SLC37A1: variants seen among roughly 807,000 people sequenced by gnomAD.
The protein encoded by SLC37A1 is glucose-6-phosphate exchanger SLC37A1.
In SLC37A1, 49 loss-of-function variants were observed where a neutral mutation model predicts 75.3. The ratio of observed to expected loss-of-function variants is 0.65; its 90% CI spans 0.52 to 0.83. The LOEUF (loss-of-function observed/expected upper bound fraction) is 0.83, where lower values mean the gene tolerates loss of function less well. SLC37A1 is among the 40% of genes least tolerant of loss of function. The probability of loss-of-function intolerance (pLI) is 0.00; values close to 1 mark genes in which losing one functional copy is unlikely to be tolerated. For synonymous variants in SLC37A1, 268 were observed against 292.1 expected, an observed-to-expected ratio of 0.92 and a Z score of 0.84; for missense variants, 566 against 695.0, an observed-to-expected ratio of 0.81 and a Z score of 2.09.
chr21:42,516,976 A>G (rs2054532375), intron 1 of SLC37A1, among the ~76,000 whole-genome samples: 1 of 152,232 alleles, frequency 6.6e-6, no homozygotes, highest in Non-Finnish European at 1.5e-5. Context: ...AGGTTTGAGC[A>G]GACGTGGTTT....
intron 6 of SLC37A1, among the ~76,000 whole-genome samples, chr21:42,540,372 G>T (rs1257435925): frequency 6.6e-6 from 1 of 152,172 alleles, no homozygotes; most frequent in Non-Finnish European, 1.5e-5. Flanking sequence ...ACCAACTTGG[G>T]TCCAAGCCTA....
At chr21:42,503,966 T>G (rs73227543) in intron 2 of SLC37A1, among the ~76,000 whole-genome samples, 29,505 of 152,122 alleles carry the variant, frequency 0.19, 2,934 homozygotes, top group African/African-American at 0.23. Flanking sequence ...TACTAGAACA[T>G]CTCAGTGCTG....
intron 2 of SLC37A1, among the ~76,000 whole-genome samples, chr21:42,504,789 C>T (rs950518800): frequency 1.3e-5 from 2 of 152,154 alleles, no homozygotes; most frequent in African/African-American, 4.8e-5. Flanking sequence ...TATCATCCAC[C>T]TCAAACTCAA....
At chr21:42,527,870 A>C (rs1025643413) in intron 3 of SLC37A1, among the ~76,000 whole-genome samples, 2 of 152,206 alleles carry the variant, frequency 1.3e-5, no homozygotes, top group African/African-American at 4.8e-5. Flanking sequence ...AGATCAGAAC[A>C]TCACACCACA....
intron 16 of SLC37A1, among the ~76,000 whole-genome samples, chr21:42,568,118 T>A (rs914352498): frequency 1.3e-5 from 2 of 152,268 alleles, no homozygotes; most frequent in Non-Finnish European, 2.9e-5. Context: ...AAACGTTTTT[T>A]ATTTGAAGAG....
rs2054470682 is a variant in SLC37A1 at position 42,513,922 on chromosome 21, C to T, written c.-974C>T. ...CTGCGGAGCGCGGGCCTCGGCGGCG[C>T]AGGTGAGGCGCGGGGCCGGGGCCGG... On this transcript the variant is annotated 5_prime_UTR_variant, in exon 1 of 20. Transcript: ENST00000352133. The T allele has an allele frequency of 6.8e-6, 1 of 146,550 alleles. No individual in the cohort carries two copies. The highest frequency in any genetic ancestry group is 1.5e-5 in the Non-Finnish European group (1 of 65,778). The allele number at this position is 146,550 out of a possible 1,614,324, so 9.1% of individuals were successfully genotyped here. A position where few individuals can be genotyped will look rare whatever the true frequency, so the allele number is the denominator to read the frequency against.
At chr21:42,567,670 C>T (rs1406068859) in intron 16 of SLC37A1, among the ~76,000 whole-genome samples, 4 of 152,180 alleles carry the variant, frequency 2.6e-5, no homozygotes, top group Admixed American at 6.5e-5. Context: ...ATACATATTA[C>T]GTGCATATAC....
upstream of SLC37A1, chr21:42,509,744 A>G (rs1254652236): frequency 5.9e-5 from 9 of 152,208 alleles, no homozygotes; most frequent in Admixed American, 5.2e-4. The surrounding 1 kb of genome is among the most constrained non-coding windows in gnomAD (Gnocchi z 4.2). Context: ...GCACCATACC[A>G]TTAGAATTCT....
intron 18 of SLC37A1, 41 bp downstream of exon 18, chr21:42,574,956 G>A (rs745839983): frequency 6.2e-7 from 1 of 1,611,932 alleles, no homozygotes; most frequent in Non-Finnish European, 8.5e-7. Flanking sequence ...CTTGAATGCA[G>A]ATCTCTGTGG....
Position 42,547,295 on chromosome 21 carries a change from T to G in SLC37A1, c.768+155T>G, listed in dbSNP as rs530114037. ...TGGCAGTTCTAGGAATAGAGAATAT[T>G]CTGTTTTGGGTTTCGCTGATAATAA... On this transcript the variant is annotated intron_variant, in intron 9 of 19. Transcript: ENST00000352133. This position sits in a 1 kb window ranked among gnomAD's most constrained non-coding sequence, Gnocchi z 6.1. 2.2e-3 allele frequency: 1,756 copies of G among 810,642 alleles called. 1 individual carries two copies. The highest frequency in any genetic ancestry group is 3.1e-3 in the Non-Finnish European group (1,550 of 494,698). 50.2% of individuals were successfully genotyped at this position (810,642 alleles called of 1,614,324 possible).
At chr21:42,500,974 C>G (rs1328332153) in intron 1 of SLC37A1, among the ~76,000 whole-genome samples, 5 of 152,042 alleles carry the variant, frequency 3.3e-5, no homozygotes, top group African/African-American at 1.2e-4. Context: ...TATTTTTCAC[C>G]CAGGAAGTGA....
chr21:42,520,958 G>A (rs1417939581), intron 2 of SLC37A1, among the ~76,000 whole-genome samples: 4 of 152,190 alleles, frequency 2.6e-5, no homozygotes, highest in Non-Finnish European at 5.9e-5. Flanking sequence ...ATTGAATAGC[G>A]TAAGATTCGG....
chr21:42,538,782 C>A (rs542765253), intron 5 of SLC37A1, among the ~76,000 whole-genome samples: 1 of 152,312 alleles, frequency 6.6e-6, no homozygotes, highest in South Asian at 2.1e-4. Flanking sequence ...TTACCACCCC[C>A]CTCGAGGCTG....
intron 2 of SLC37A1, among the ~76,000 whole-genome samples, chr21:42,508,327 C>T (rs1437514617): frequency 6.6e-6 from 1 of 152,008 alleles, no homozygotes; most frequent in African/African-American, 2.4e-5. Flanking sequence ...CAGGGTTTCA[C>T]CATGTTGGCC....
At chr21:42,543,374 A>T in intron 7 of SLC37A1, 62 bp from the exon 8 acceptor site, 3 of 1,598,398 alleles carry the variant, frequency 1.9e-6, no homozygotes, top group East Asian at 4.5e-5. Flanking sequence ...TGCGCCCTGC[A>T]CTGCTGGACT....
intron 2 of SLC37A1, among the ~76,000 whole-genome samples, chr21:42,522,518 G>T (rs1460888545): frequency 6.6e-6 from 1 of 152,126 alleles, no homozygotes; most frequent in African/African-American, 2.4e-5. Flanking sequence ...GCTGAAGTCA[G>T]ACCTTTCAAA....
chr21:42,553,019 T>C (rs891211958), intron 9 of SLC37A1, among the ~76,000 whole-genome samples: 2 of 152,232 alleles, frequency 1.3e-5, no homozygotes, highest in Non-Finnish European at 2.9e-5. Context: ...AGATCAATAG[T>C]TTTTCTTAAC....
chr21:42,577,377 T>C (rs2056330670), intron 18 of SLC37A1, among the ~76,000 whole-genome samples: 1 of 152,250 alleles, frequency 6.6e-6, no homozygotes, highest in South Asian at 2.1e-4. Context: ...ACAGAAACCA[T>C]ATGGCTGCAA....
intron 3 of SLC37A1, among the ~76,000 whole-genome samples, chr21:42,526,785 A>G (rs1405318508): frequency 1.3e-5 from 2 of 152,116 alleles, no homozygotes; most frequent in Non-Finnish European, 2.9e-5. Flanking sequence ...AGAAACTTCC[A>G]TGCCTCTCAA....
Sources: allele counts gnomAD v4.1 joint callset (sites outside exome capture counted in the v4.1 genomes callset), GRCh38; gene constraint gnomAD v4.1.1; non-coding constraint Gnocchi (gnomAD v3.1); transcripts MANE v1.5; gene names NCBI Gene and HGNC (gene_info 2026-07-23, HGNC 2026-07-21).